PRKAR1A: variants seen among roughly 807,000 people sequenced by gnomAD.
PRKAR1A encodes the protein protein kinase cAMP-dependent type I regulatory subunit alpha, also known as cAMP-dependent protein kinase type I-alpha regulatory subunit.
In PRKAR1A, 3 loss-of-function variants were observed where a neutral mutation model predicts 52.0. The ratio of observed to expected loss-of-function variants is 0.06; its 90% CI spans 0.03 to 0.15. The LOEUF is 0.15. PRKAR1A is among the 10% of genes least tolerant of loss of function. PRKAR1A has a pLI of 1.00. For synonymous variants in PRKAR1A, 188 were observed against 168.4 expected (o/e 1.12, Z -0.90); for missense variants, 240 against 477.4 (o/e 0.50, Z 4.63).
the PRKAR1A span, chr17:68,430,253 C>A: frequency 7.6e-7 from 1 of 1,307,896 alleles, no homozygotes. Context: ...AGCCACACTC[C>A]CCGCAGCAGG....
chr17:68,512,235 A>T (rs980918461), upstream of PRKAR1A: 1 of 153,652 alleles, frequency 6.5e-6, no homozygotes. Context: ...ACTGCTGTGG[A>T]TAAGGGACGA....
At chr17:68,484,157 A>G in the PRKAR1A span, among the ~76,000 whole-genome samples, 1 of 152,334 alleles carries the variant, frequency 6.6e-6, no homozygotes, top group South Asian at 2.1e-4. Context: ...CCCTGAAACT[A>G]TAGAGTAATA....
chr17:68,534,778 T>C (rs2086058344), downstream of PRKAR1A, among the ~76,000 whole-genome samples: 1 of 152,162 alleles, frequency 6.6e-6, no homozygotes, highest in Non-Finnish European at 1.5e-5. Context: ...TCAGTATATA[T>C]TAAATAAAGT....
At chr17:68,551,137 G>C (rs2086816829) in exon 12 of PRKAR1A, 1 of 1,233,502 alleles carries the variant, frequency 8.1e-7, no homozygotes, top group Non-Finnish European at 1.0e-6. Flanking sequence ...CACTGGGGCC[G>C]AACTCTAGGA....
the PRKAR1A span, among the ~76,000 whole-genome samples, chr17:68,447,629 G>A: frequency 9.2e-5 from 14 of 152,094 alleles, no homozygotes; most frequent in South Asian, 8.3e-4. Context: ...GGGCTCAAGC[G>A]ATCCTCCTGC....
chr17:68,532,695 T>C lies in PRKAR1A; in HGVS notation c.*2246T>C. Reference sequence around the variant, plus strand: ...AGTCTGATTATACCATGTGTGCTAATATACTTTTTTTGTTATAGATTGTCT... The same window carrying C: ...AGTCTGATTATACCATGTGTGCTAACATACTTTTTTTGTTATAGATTGTCT... On this transcript the variant is annotated 3_prime_UTR_variant, in exon 11 of 11. Transcript: ENST00000589228. The C allele has an allele frequency of 9.4e-7, 1 of 1,066,392 alleles. No homozygotes were observed. 66.1% of individuals were successfully genotyped at this position (1,066,392 alleles called of 1,614,324 possible).
chr17:68,520,229 G>A (rs2085562597), intron 2 of PRKAR1A, among the ~76,000 whole-genome samples: 1 of 152,230 alleles, frequency 6.6e-6, no homozygotes, highest in Admixed American at 6.5e-5. Context: ...AGCAAGTCCT[G>A]TAGCCAAGCC....
At chr17:68,527,790 G>T (rs1349533649) in intron 7 of PRKAR1A, 50 bp from the exon 8 acceptor site, 12 of 1,389,154 alleles carry the variant, frequency 8.6e-6, no homozygotes, top group Non-Finnish European at 1.2e-5. Flanking sequence ...GCATTATGTG[G>T]TGATAATTAC....
chr17:68,421,045 C>T, the PRKAR1A span: 37 of 155,388 alleles, frequency 2.4e-4, no homozygotes, highest in Admixed American at 6.9e-4. Flanking sequence ...CAGTAGGGCT[C>T]GAGTAGATCC....
the PRKAR1A span, chr17:68,452,963 T>TACCC: frequency 1.9e-6 from 3 of 1,614,084 alleles, no homozygotes; most frequent in South Asian, 3.3e-5. Flanking sequence ...AAACAGCTTA[T>TACCC]ACCCGGCTTT....
the PRKAR1A span, among the ~76,000 whole-genome samples, chr17:68,505,464 T>C: frequency 6.6e-6 from 1 of 152,170 alleles, no homozygotes; most frequent in Non-Finnish European, 1.5e-5. Flanking sequence ...TCAAAACTCA[T>C]AGAATATACA....
chr17:68,516,840 T>C (rs1279569179), intron 2 of PRKAR1A, among the ~76,000 whole-genome samples: 2 of 152,222 alleles, frequency 1.3e-5, no homozygotes, highest in African/African-American at 2.4e-5. Context: ...ATGGAAGTAT[T>C]GTAGAGCCAG....
At chr17:68,422,041 C>G in the PRKAR1A span, 1 of 587,888 alleles carries the variant, frequency 1.7e-6, no homozygotes, top group South Asian at 2.0e-5. Context: ...ATAAAAATGT[C>G]TCTGTGTGTG....
chr17:68,435,525 T>G, the PRKAR1A span: 2 of 1,221,756 alleles, frequency 1.6e-6, no homozygotes, highest in Non-Finnish European at 2.4e-6. Context: ...GACCAGTCAG[T>G]CTTCATGTCA....
chr17:68,468,881 T>A, the PRKAR1A span, among the ~76,000 whole-genome samples: 1 of 152,180 alleles, frequency 6.6e-6, no homozygotes, highest in Non-Finnish European at 1.5e-5. Flanking sequence ...AGTGGCCCAT[T>A]CCTAGGCTCT....
chr17:68,420,434 C>G, the PRKAR1A span: 3 of 1,613,968 alleles, frequency 1.9e-6, no homozygotes, highest in Non-Finnish European at 2.5e-6. Context: ...TAATCCCTAC[C>G]AAATTGCCTG....
intron 11 of PRKAR1A, among the ~76,000 whole-genome samples, chr17:68,539,606 T>C (rs150605003): frequency 2.2e-4 from 33 of 152,348 alleles, no homozygotes; most frequent in African/African-American, 7.9e-4. Flanking sequence ...ATTCATTCAC[T>C]AGCTGCAGAG....
At chr17:68,548,825 C>T (rs1200891556) in intron 11 of PRKAR1A, among the ~76,000 whole-genome samples, 8 of 150,206 alleles carry the variant, frequency 5.3e-5, no homozygotes, top group African/African-American at 1.2e-4. Flanking sequence ...CTCCGCCTCC[C>T]GGGTTCACGC....
At chr17:68,476,925 G>T in the PRKAR1A span, among the ~76,000 whole-genome samples, 1 of 152,058 alleles carries the variant, frequency 6.6e-6, no homozygotes, top group African/African-American at 2.4e-5. Flanking sequence ...CTCCCAAAGT[G>T]TTGGGATTAC....
Sources: allele counts gnomAD v4.1 joint callset (sites outside exome capture counted in the v4.1 genomes callset), GRCh38; gene constraint gnomAD v4.1.1; transcripts MANE v1.5; gene names NCBI Gene and HGNC (gene_info 2026-07-23, HGNC 2026-07-21).